The following SNTB1 variants were observed in gnomAD, a reference collection of about 807,000 sequenced individuals.
The protein encoded by SNTB1 is syntrophin beta 1.
A neutral mutation model predicts 48.9 loss-of-function variants in SNTB1; 36 were observed. That is an observed-to-expected ratio of 0.74 (90% CI 0.56 to 0.97). The LOEUF (loss-of-function observed/expected upper bound fraction) is 0.97. Ranked by LOEUF, SNTB1 falls within the 50% of genes least tolerant of loss-of-function variation. The probability of loss-of-function intolerance (pLI) is 0.00; values close to 1 mark genes in which losing one functional copy is unlikely to be tolerated. For synonymous variants in SNTB1, 299 were observed against 294.6 expected, an observed-to-expected ratio of 1.01 and a Z score of -0.15; for missense variants, 786 against 703.4, an observed-to-expected ratio of 1.12 and a Z score of -1.33.
At chr8:120,720,061 C>G (rs779961881) in intron 1 of SNTB1, among the ~76,000 whole-genome samples, 2 of 152,184 alleles carry the variant, frequency 1.3e-5, no homozygotes, top group Non-Finnish European at 2.9e-5. Flanking sequence ...TTCCAGTGAT[C>G]GGTGATGCAG....
rs77106214 is a variant in SNTB1, at chr8:120,605,711, T to C, written c.996+26733A>G. Among the ~76,000 whole-genome samples, 484 of 152,306 alleles carry C rather than the reference T, an allele frequency of 3.2e-3. 9 individuals are homozygous for C. The highest frequency in any genetic ancestry group is 0.025 in the East Asian group (131 of 5,184). ...CACATTTGTTAAAACAAAGTCCAGATAGGGCAAAGCCCCAGTGTAATATTA... is the reference window on the plus strand; with the variant it reads ...CACATTTGTTAAAACAAAGTCCAGACAGGGCAAAGCCCCAGTGTAATATTA... On this transcript the variant is annotated intron_variant, in intron 3 of 6. Transcript: ENST00000517992.
At chr8:120,783,545 C>CT (rs1185901398) in intron 1 of SNTB1, among the ~76,000 whole-genome samples, 2 of 152,084 alleles carry the variant, frequency 1.3e-5, no homozygotes, top group African/African-American at 4.8e-5. Context: ...TATTTTTCAT[C>CT]TTTTTTCAAA....
intron 1 of SNTB1, among the ~76,000 whole-genome samples, chr8:120,717,943 C>T (rs993331528): frequency 1.3e-5 from 2 of 152,214 alleles, no homozygotes; most frequent in African/African-American, 2.4e-5. Flanking sequence ...AGATGTGTCT[C>T]GTCCATCAGC....
chr8:120,755,713 ATTAC>A (rs1819308106), intron 1 of SNTB1, among the ~76,000 whole-genome samples: 1 of 152,132 alleles, frequency 6.6e-6, no homozygotes, highest in African/African-American at 2.4e-5. Context: ...TTTCTCACCT[ATTAC>A]TTACGCTAAC....
intron 1 of SNTB1, chr8:120,769,131 G>T (rs369437842): frequency 6.6e-6 from 1 of 151,960 alleles, no homozygotes; most frequent in Non-Finnish European, 1.5e-5. Flanking sequence ...TTAGACCCAG[G>T]GTCCCTCTAT....
At chr8:120,709,908 G>A (rs765399768) in intron 1 of SNTB1, among the ~76,000 whole-genome samples, 18 of 151,508 alleles carry the variant, frequency 1.2e-4, no homozygotes, top group Non-Finnish European at 2.1e-4. Flanking sequence ...AAAGTGTCTG[G>A]TATTTAAAAA....
Position 120,537,751 on chromosome 8 carries a change from T to C in SNTB1, c.*1126A>G, listed in dbSNP as rs188963258. The C allele has an allele frequency of 6.6e-6, 1 of 152,370 alleles. No homozygotes were observed. The highest frequency in any genetic ancestry group is 1.5e-5 in the Non-Finnish European group (1 of 68,034). 9.4% of individuals were successfully genotyped at this position (152,370 alleles called of 1,614,324 possible). On this transcript the variant is annotated 3_prime_UTR_variant, in exon 7 of 7. Coordinates refer to ENST00000517992, the MANE Select transcript of SNTB1 (RefSeq NM_021021.4). ...AATCAGTAATGTGCTATATAATGTC[T>C]GAAAATATTCCTGTAGAAAGATATC...
chr8:120,732,789 T>C (rs1032087153), intron 1 of SNTB1, among the ~76,000 whole-genome samples: 1 of 152,138 alleles, frequency 6.6e-6, no homozygotes, highest in African/African-American at 2.4e-5. Flanking sequence ...GAGGTTGCAG[T>C]GAGCTGAGAT....
Position 120,774,646 on chromosome 8 carries a change from CTTGT to C in SNTB1, c.571+36623_571+36626del, listed in dbSNP as rs199561190. ...AGAGGAGGGTTTGTTGGTTTGTTTG[CTTGT>C]TTGTTTGTTTGTTTGTTTGTTTTGA... is the stretch of plus-strand genomic sequence containing the variant. On this transcript the variant is annotated intron_variant, in intron 1 of 6. Coordinates refer to ENST00000517992, the MANE Select transcript of SNTB1 (RefSeq NM_021021.4). Among the ~76,000 whole-genome samples, 993 of 151,934 alleles carry C rather than the reference CTTGT, an allele frequency of 6.5e-3. 6 individuals are homozygous for C. Among genetic ancestry groups the C allele is most frequent in the African/African-American group, 0.021 (856 of 41,418 alleles).
At chr8:120,655,055 C>T (rs1211450416) in intron 2 of SNTB1, 1 of 450,578 alleles carries the variant, frequency 2.2e-6, no homozygotes, top group East Asian at 7.1e-5. Flanking sequence ...TACTTCTCAA[C>T]AGACAAATAA....
rs557833265 is a variant in SNTB1 at position 120,611,951 on chromosome 8, C to CCTA, written c.996+20490_996+20492dup. Among the ~76,000 whole-genome samples, 33 of 152,068 alleles carry CCTA rather than the reference C, an allele frequency of 2.2e-4. 3 individuals carry two copies. The South Asian group carries it at 3.7e-3, about 17-fold the overall frequency. On this transcript the variant is annotated intron_variant, in intron 3 of 6. Coordinates refer to ENST00000517992, the MANE Select transcript of SNTB1 (RefSeq NM_021021.4). The stretch of plus-strand genomic sequence containing the variant: ...GAGGTTGGTTCTTACCTAGAAGACA[C>CCTA]CTACTTCAAGATCGGCTCACATGTC...
chr8:120,572,405 C>A (rs955927800), intron 4 of SNTB1, among the ~76,000 whole-genome samples: 10 of 152,120 alleles, frequency 6.6e-5, no homozygotes, highest in Non-Finnish European at 1.3e-4. Context: ...GCCTAGCTTG[C>A]AGGTAAAGAA....
At chr8:120,543,508 G>A (rs141241814) in intron 5 of SNTB1, among the ~76,000 whole-genome samples, 73 of 152,250 alleles carry the variant, frequency 4.8e-4, no homozygotes, top group Non-Finnish European at 7.9e-4. Flanking sequence ...TCAGAGAGGT[G>A]AACACATCAC....
chr8:120,809,639 G>GT (rs1820393986), intron 1 of SNTB1, among the ~76,000 whole-genome samples: 1 of 150,510 alleles, frequency 6.6e-6, no homozygotes, highest in African/African-American at 2.4e-5. Flanking sequence ...AGTATTTACA[G>GT]TAAGTATTGC....
In SNTB1 at chr8:120,679,121, G is replaced by A. The variant is rs143974815; in HGVS notation, c.788+14571C>T. Among the ~76,000 whole-genome samples the A allele has an allele frequency of 2.7e-4, 41 of 152,254 alleles. 1 individual carries two copies. The highest frequency in any genetic ancestry group is 8.9e-4 in the African/African-American group (37 of 41,538). On this transcript the variant is annotated intron_variant, in intron 2 of 6. Transcript: ENST00000517992. ...GCTTCCCCACCACTTGTTGGTTCCC[G>A]AGACAGCCCCTTCCTCTGTCTATAG... is the stretch of plus-strand genomic sequence containing the variant.
intron 1 of SNTB1, among the ~76,000 whole-genome samples, chr8:120,806,687 A>C (rs1024938878): frequency 6.6e-6 from 1 of 152,170 alleles, no homozygotes; most frequent in Non-Finnish European, 1.5e-5. Context: ...CCAGCTCCCT[A>C]TGCTTTCCAG....
intron 1 of SNTB1, among the ~76,000 whole-genome samples, chr8:120,804,715 T>C (rs1426803786): frequency 6.6e-6 from 1 of 152,184 alleles, no homozygotes; most frequent in African/African-American, 2.4e-5. Flanking sequence ...AATTCTGTAA[T>C]ACGCCCCCCC....
chr8:120,631,324 C>T (rs927865856), intron 3 of SNTB1, among the ~76,000 whole-genome samples: 21 of 152,186 alleles, frequency 1.4e-4, no homozygotes, highest in African/African-American at 5.1e-4. Context: ...CCAGCATTGT[C>T]CCTTTCGTTC....
chr8:120,576,946 T>C (rs1815961510), intron 3 of SNTB1, among the ~76,000 whole-genome samples: 1 of 152,192 alleles, frequency 6.6e-6, no homozygotes, highest in Non-Finnish European at 1.5e-5. Context: ...TTTGGCATGG[T>C]AGCTGGCAGA....
Sources: allele counts gnomAD v4.1 joint callset (sites outside exome capture counted in the v4.1 genomes callset), GRCh38; gene constraint gnomAD v4.1.1; transcripts MANE v1.5; gene names NCBI Gene and HGNC (gene_info 2026-07-23, HGNC 2026-07-21).